Variants in EPB41L4A observed in about 807,000 individuals in gnomAD.
EPB41L4A encodes the protein erythrocyte membrane protein band 4.1 like 4A, also known as band 4.1-like protein 4A.
In EPB41L4A, 100 loss-of-function variants were observed where a neutral mutation model predicts 108.6. That is an observed-to-expected ratio of 0.92 (90% confidence interval 0.78 to 1.09). The LOEUF is 1.09. Ranked by LOEUF, EPB41L4A falls within the 50% of genes least tolerant of loss-of-function variation. EPB41L4A has a pLI of 0.00. For missense variants in EPB41L4A, 1,030 were observed against 842.7 expected (o/e 1.22, Z -2.75); for synonymous variants, 319 against 289.0 (o/e 1.10, Z -1.05).
Position 112,164,882 on chromosome 5 carries a change from G to T in EPB41L4A, c.*108C>A. 1.5e-5 allele frequency: 15 copies of T among 1,007,698 alleles called. No homozygotes were observed. The highest frequency in any genetic ancestry group is 1.9e-5 in the Non-Finnish European group (14 of 721,216). 62.4% of individuals were successfully genotyped at this position (1,007,698 alleles called of 1,614,324 possible). The stretch of plus-strand genomic sequence containing the variant: ...AGATAATGTATTTTCTCATGCTGAA[G>T]AAATACTTGCAGGTCTGAGATTTGA... On this transcript the variant is annotated 3_prime_UTR_variant, in exon 23 of 23. Coordinates refer to ENST00000261486, the MANE Select transcript of EPB41L4A (RefSeq NM_022140.5).
At position 112,209,943 on chromosome 5, in the gene EPB41L4A, T is replaced by A; in HGVS notation, c.1127A>T (p.Asn376Ile). ...TTTAATTGTTCCTTCATTTTCTCCA[T>A]TTTCCATGTTTGCAGTTATCCTACT... is the stretch of plus-strand genomic sequence containing the variant. ...SISRITANME[N>I]GENEGTIKII... The change falls in exon 13 of 23, where the codon AAT (asparagine) becomes ATT (isoleucine). Residue 376 changes from asparagine (N) to isoleucine (I), a missense_variant. Coordinates refer to ENST00000261486, the MANE Select transcript of EPB41L4A (RefSeq NM_022140.5). 1 of 1,607,754 alleles carries A rather than the reference T, an allele frequency of 6.2e-7. No homozygotes were observed. Among genetic ancestry groups the A allele is most frequent in the South Asian group, 1.1e-5 (1 of 90,756 alleles).
chr5:112,227,659 C>T (rs567500196), intron 12 of EPB41L4A, among the ~76,000 whole-genome samples: 1 of 152,328 alleles, frequency 6.6e-6, no homozygotes, highest in South Asian at 2.1e-4. Flanking sequence ...CTTTCCTCTG[C>T]CTTCAAAACA....
At chr5:112,311,038 G>C (rs1755016346) in intron 1 of EPB41L4A, among the ~76,000 whole-genome samples, 1 of 152,086 alleles carries the variant, frequency 6.6e-6, no homozygotes, top group Non-Finnish European at 1.5e-5. Flanking sequence ...CTGAGACAGG[G>C]TCTCACTCTG....
In EPB41L4A at chr5:112,316,326, T is replaced by C. The variant is rs146361068; in HGVS notation, c.100-8836A>G. Reference sequence around the variant, plus strand: ...AAAAATTCTTATAACGTTATGCCTTTAAAAATTCACTCTATCTTTATTTAG... The same window carrying C: ...AAAAATTCTTATAACGTTATGCCTTCAAAAATTCACTCTATCTTTATTTAG... On this transcript the variant is annotated intron_variant, in intron 1 of 22. Coordinates refer to ENST00000261486, the MANE Select transcript of EPB41L4A (RefSeq NM_022140.5). Among the ~76,000 whole-genome samples, 191 of 152,362 alleles carry C rather than the reference T, an allele frequency of 1.3e-3. 1 individual carries two copies. Among genetic ancestry groups the C allele is most frequent in the African/African-American group, 4.2e-3 (175 of 41,594 alleles).
chr5:112,326,792 T>C (rs1561574401), intron 1 of EPB41L4A, among the ~76,000 whole-genome samples: 2 of 151,350 alleles, frequency 1.3e-5, no homozygotes. Context: ...AAATGACTAA[T>C]AGCCATTTAC....
chr5:112,215,439 C>T (rs558435187), intron 12 of EPB41L4A, among the ~76,000 whole-genome samples: 3 of 152,068 alleles, frequency 2.0e-5, no homozygotes, highest in Non-Finnish European at 4.4e-5. Context: ...CAAGAGTGTC[C>T]AATTCATTTT....
In EPB41L4A at chr5:112,163,480, TAATTAA is replaced by T. The variant is rs1760042100; in HGVS notation, c.*1504_*1509del. 3 of 152,316 alleles carry T rather than the reference TAATTAA, an allele frequency of 2.0e-5. No homozygotes were observed. The highest frequency in any genetic ancestry group is 7.2e-5 in the African/African-American group (3 of 41,564). The allele number at this position is 152,316 out of a possible 1,614,324, so 9.4% of individuals were successfully genotyped here. A position where few individuals can be genotyped will look rare whatever the true frequency, so the allele number is the denominator to read the frequency against. Reference sequence around the variant, plus strand: ...GGGTCTGAAGTTTGAGAAACTCCACTAATTAATGGCAAGGTAAAGCATGATAAGCCA... The same window carrying T: ...GGGTCTGAAGTTTGAGAAACTCCACTTGGCAAGGTAAAGCATGATAAGCCA... On this transcript the variant is annotated 3_prime_UTR_variant, in exon 23 of 23. Transcript: ENST00000261486.
chr5:112,205,539 A>C, intron 13 of EPB41L4A, 35 bp from the exon 14 acceptor site: 2 of 1,486,058 alleles, frequency 1.3e-6, no homozygotes, highest in Non-Finnish European at 1.8e-6. Context: ...GAAATAAATT[A>C]AGTAGAAAAT....
At chr5:112,275,529 T>C (rs955088668) in intron 3 of EPB41L4A, 125 bp from the exon 4 acceptor site, 12 of 1,187,834 alleles carry the variant, frequency 1.0e-5, no homozygotes, top group Middle Eastern at 6.1e-4. Flanking sequence ...AAACATAAGA[T>C]AAAAACAGCA....
rs202207145 is a variant in EPB41L4A at position 112,290,124 on chromosome 5, CTAAT to C, written c.205-9805_205-9802del. Among the ~76,000 whole-genome samples the C allele has an allele frequency of 5.8e-3, 870 of 150,114 alleles. 1 individual carries two copies. Among genetic ancestry groups the C allele is most frequent in the Middle Eastern group, 0.014 (4 of 294 alleles). On this transcript the variant is annotated intron_variant, in intron 2 of 22. Transcript: ENST00000261486. ...AGATGACTGTGAAAAGCCATCCTAA[CTAAT>C]TATCTTTCAATTTAGCATCATTTTT...
At chr5:112,340,900 A>G (rs1311150031) in intron 1 of EPB41L4A, among the ~76,000 whole-genome samples, 1 of 152,132 alleles carries the variant, frequency 6.6e-6, no homozygotes, top group Non-Finnish European at 1.5e-5. Context: ...ATACCCTTCG[A>G]CCTTTCCACC....
intron 1 of EPB41L4A, among the ~76,000 whole-genome samples, chr5:112,379,697 T>A: frequency 6.6e-6 from 1 of 152,152 alleles, no homozygotes; most frequent in East Asian, 1.9e-4. Context: ...CCTCAGCCAT[T>A]CTGAGAAGTC....
chr5:112,253,510 G>C (rs901963734), intron 9 of EPB41L4A, among the ~76,000 whole-genome samples: 30 of 152,174 alleles, frequency 2.0e-4, no homozygotes, highest in African/African-American at 7.2e-4. Context: ...GGACATTATT[G>C]GGTTAACCAA....
rs373715149 is a variant in EPB41L4A, at chr5:112,204,460, T to C, written c.1291A>G (p.Thr431Ala). The stretch of plus-strand genomic sequence containing the variant: ...GTGTAAGGGAACTTTGGCGACTTAG[T>C]GCGATCACTGGGAGAATTGTAGAGT... ...SGLYNSPSDR[T>A]KSPKFPYTRR... The change falls in exon 15 of 23, where the codon ACT becomes GCT. Residue 431 changes from threonine (T) to alanine (A), a missense_variant. Transcript: ENST00000261486. 7 of 1,613,538 alleles carry C rather than the reference T, an allele frequency of 4.3e-6. No individual in the cohort carries two copies. Among genetic ancestry groups the C allele is most frequent in the African/African-American group, 2.7e-5 (2 of 74,976 alleles).
intron 1 of EPB41L4A, among the ~76,000 whole-genome samples, chr5:112,365,280 A>T (rs888084033): frequency 6.6e-6 from 1 of 152,150 alleles, no homozygotes; most frequent in African/African-American, 2.4e-5. Context: ...AGCATACTAC[A>T]GCCTCAAACT....
rs77298524 is a variant in EPB41L4A at position 112,260,933 on chromosome 5, C to A, written c.643-954G>T. 0.015 allele frequency among the ~76,000 whole-genome samples: 2,277 copies of A among 152,290 alleles called. 222 individuals are homozygous for A. In the East Asian group the frequency reaches 0.26, roughly 18 times the overall value. Reference sequence around the variant, plus strand: ...ACTGAAGAGTCTAATAAATCTAGCTCATTTGCCATAAATTTCTACCATCAA... The same window carrying A: ...ACTGAAGAGTCTAATAAATCTAGCTAATTTGCCATAAATTTCTACCATCAA... On this transcript the variant is annotated intron_variant, in intron 7 of 22. Transcript: ENST00000261486.
At chr5:112,413,423 A>G (rs971237258) in intron 1 of EPB41L4A, among the ~76,000 whole-genome samples, 1 of 152,212 alleles carries the variant, frequency 6.6e-6, no homozygotes, top group African/African-American at 2.4e-5. Context: ...TCCATTATCT[A>G]GAAGATTTTC....
chr5:112,393,555 C>T (rs566052034), intron 1 of EPB41L4A, among the ~76,000 whole-genome samples: 25 of 152,102 alleles, frequency 1.6e-4, no homozygotes, highest in East Asian at 1.2e-3. Context: ...AAGTTGAATC[C>T]CTGAATAGAC....
intron 18 of EPB41L4A, among the ~76,000 whole-genome samples, chr5:112,175,822 G>C (rs926849371): frequency 6.6e-6 from 1 of 151,868 alleles, no homozygotes; most frequent in Non-Finnish European, 1.5e-5. Flanking sequence ...TAAGGGATGC[G>C]GTCTCACTAT....
Sources: gnomAD v4.1 joint callset for allele counts (sites outside exome capture counted in the v4.1 genomes callset) on GRCh38, gnomAD v4.1.1 for gene constraint, MANE v1.5 for transcripts, NCBI Gene and HGNC (gene_info 2026-07-23, HGNC 2026-07-21) for gene names.